The following COL25A1 variants were observed in gnomAD, a reference collection of about 807,000 sequenced individuals.
The protein encoded by COL25A1 is collagen type XXV alpha 1 chain.
Under a neutral mutation model 128.4 loss-of-function variants are expected in COL25A1, and 103 were observed. The observed-to-expected ratio is 0.80, with a 90% CI of 0.68 to 0.94. The LOEUF (loss-of-function observed/expected upper bound fraction) is 0.94, where lower values mean the gene tolerates loss of function less well. Among genes scored for constraint, COL25A1 ranks in the 40% least tolerant of loss-of-function variants. The pLI is 0.00. For missense variants in COL25A1, 745 were observed against 840.0 expected (o/e 0.89, Z 1.40); for synonymous variants, 279 against 277.2 (o/e 1.01, Z -0.06).
intron 3 of COL25A1, among the ~76,000 whole-genome samples, chr4:109,241,282 T>C (rs1178898002): frequency 6.6e-6 from 1 of 152,046 alleles, no homozygotes; most frequent in African/African-American, 2.4e-5. Context: ...AAATAATTTT[T>C]CCTCTATTTT....
At chr4:108,978,002 AGTTTTTGT>A (rs1352092562) in intron 6 of COL25A1, among the ~76,000 whole-genome samples, 7 of 152,218 alleles carry the variant, frequency 4.6e-5, no homozygotes, top group Non-Finnish European at 8.8e-5. Context: ...TTAAGGACAA[AGTTTTTGT>A]GAAGTTATTT....
intron 6 of COL25A1, among the ~76,000 whole-genome samples, 169 bp downstream of exon 6, chr4:109,010,189 A>C (rs1756438538): frequency 6.6e-6 from 1 of 152,180 alleles, no homozygotes; most frequent in Non-Finnish European, 1.5e-5. Context: ...GGCTCACACA[A>C]CCCTGAAGAG....
chr4:109,052,499 T>C (rs1269369310), intron 3 of COL25A1, among the ~76,000 whole-genome samples: 2 of 152,222 alleles, frequency 1.3e-5, no homozygotes, highest in African/African-American at 2.4e-5. Context: ...AGATGGAATC[T>C]AAACTCTAAT....
intron 32 of COL25A1, among the ~76,000 whole-genome samples, chr4:108,830,299 A>G (rs1343827001): frequency 6.6e-6 from 1 of 152,224 alleles, no homozygotes; most frequent in Non-Finnish European, 1.5e-5. Context: ...AGAGTGGAAT[A>G]TTGATGCTGT....
At chr4:108,901,989 T>C (rs2125866634) in intron 13 of COL25A1, among the ~76,000 whole-genome samples, 1 of 152,154 alleles carries the variant, frequency 6.6e-6, no homozygotes, top group African/African-American at 2.4e-5. Flanking sequence ...GTTCTCATTT[T>C]AAAACATTCT....
At chr4:109,100,439 A>G (rs891878712) in intron 3 of COL25A1, among the ~76,000 whole-genome samples, 3 of 151,900 alleles carry the variant, frequency 2.0e-5, no homozygotes, top group Non-Finnish European at 2.9e-5. Context: ...AAGACTGGAA[A>G]CATACACCCA....
intron 31 of COL25A1, among the ~76,000 whole-genome samples, chr4:108,836,616 G>C (rs1184351355): frequency 2.6e-5 from 4 of 152,062 alleles, no homozygotes; most frequent in Non-Finnish European, 4.4e-5. Context: ...ACTCTAGCCT[G>C]GGTGACAGAG....
At chr4:108,878,051 C>G (rs1172397297) in intron 19 of COL25A1, among the ~76,000 whole-genome samples, 2 of 152,118 alleles carry the variant, frequency 1.3e-5, no homozygotes, top group Non-Finnish European at 2.9e-5. Flanking sequence ...TTCATTCATA[C>G]AGAAATGACT....
intron 5 of COL25A1, among the ~76,000 whole-genome samples, chr4:109,014,207 T>C (rs946934473): frequency 6.6e-6 from 1 of 152,012 alleles, no homozygotes; most frequent in Non-Finnish European, 1.5e-5. Context: ...CTTGGGAGGC[T>C]GAGGTGAGAG....
At chr4:109,273,116 T>C (rs1782312932) in intron 3 of COL25A1, among the ~76,000 whole-genome samples, 1 of 151,986 alleles carries the variant, frequency 6.6e-6, no homozygotes, top group African/African-American at 2.4e-5. Context: ...ACAAAAGGGA[T>C]GAAAAGAGGT....
chr4:109,070,407 T>C (rs1405815205), intron 3 of COL25A1, among the ~76,000 whole-genome samples: 3 of 152,152 alleles, frequency 2.0e-5, no homozygotes, highest in African/African-American at 7.2e-5. Context: ...CTTTCCATGT[T>C]ATGTCAATCT....
At chr4:108,896,827 T>G in intron 15 of COL25A1, 116 bp from the exon 16 acceptor site, 2 of 876,102 alleles carry the variant, frequency 2.3e-6, no homozygotes, top group Non-Finnish European at 3.8e-6. Flanking sequence ...CTGTTGCAAA[T>G]GCTCTATAGA....
chr4:108,967,134 A>T (rs1386460824), intron 8 of COL25A1, among the ~76,000 whole-genome samples: 1 of 152,170 alleles, frequency 6.6e-6, no homozygotes, highest in African/African-American at 2.4e-5. Context: ...AAATTTTCTA[A>T]GTCTTGGTTT....
chr4:109,012,090 A>G (rs1724470), intron 5 of COL25A1, among the ~76,000 whole-genome samples: 77,369 of 151,778 alleles, frequency 0.51, 22,417 homozygotes, highest in African/African-American at 0.77. Context: ...ATGGCTCACC[A>G]CAGTCTTGAA....
At chr4:108,859,816 C>A in intron 23 of COL25A1, 83 bp from the exon 24 acceptor site, 1 of 907,132 alleles carries the variant, frequency 1.1e-6, no homozygotes, top group Admixed American at 2.1e-5. Context: ...AAATACAACT[C>A]ACAGCTCTCT....
chr4:109,170,817 G>A (rs776691127), intron 3 of COL25A1, among the ~76,000 whole-genome samples: 4 of 151,970 alleles, frequency 2.6e-5, no homozygotes, highest in South Asian at 2.1e-4. Context: ...CCTCAATCCC[G>A]TTGTCCAGGT....
chr4:109,069,441 T>C (rs1005662746), intron 3 of COL25A1, among the ~76,000 whole-genome samples: 2 of 152,134 alleles, frequency 1.3e-5, no homozygotes, highest in Non-Finnish European at 2.9e-5. Context: ...CTCAAACTCG[T>C]GGCCTCAAGC....
At chr4:109,212,506 CT>C (rs1777654834) in intron 3 of COL25A1, among the ~76,000 whole-genome samples, 1 of 152,152 alleles carries the variant, frequency 6.6e-6, no homozygotes, top group South Asian at 2.1e-4. Context: ...CATGACATCA[CT>C]TCTGCCACAC....
chr4:109,021,476 G>A (rs1419068393), intron 5 of COL25A1, among the ~76,000 whole-genome samples: 3 of 152,124 alleles, frequency 2.0e-5, no homozygotes, highest in Admixed American at 6.6e-5. Context: ...GTAAGCTGAG[G>A]ATGTACGTCA....
Sources: gnomAD v4.1 joint callset for allele counts (sites outside exome capture counted in the v4.1 genomes callset) on GRCh38, gnomAD v4.1.1 for gene constraint, MANE v1.5 for transcripts, NCBI Gene and HGNC (gene_info 2026-07-23, HGNC 2026-07-21) for gene names.